KCNIP1: variants seen among roughly 807,000 people sequenced by gnomAD.
KCNIP1 encodes A-type potassium channel modulatory protein KCNIP1.
A neutral mutation model predicts 33.0 loss-of-function variants in KCNIP1; 18 were observed. The ratio of observed to expected loss-of-function variants is 0.55; its 90% CI spans 0.38 to 0.81. The LOEUF (loss-of-function observed/expected upper bound fraction) is 0.81. Among genes scored for constraint, KCNIP1 ranks in the 30% least tolerant of loss-of-function variants. The probability of loss-of-function intolerance (pLI) is 0.00; values close to 1 mark genes in which losing one functional copy is unlikely to be tolerated. For missense variants in KCNIP1, 238 were observed against 271.6 expected (o/e 0.88, Z 0.87); for synonymous variants, 93 against 98.3 (o/e 0.95, Z 0.32).
At chr5:170,363,192 A>G (rs909259860) in intron 1 of KCNIP1, among the ~76,000 whole-genome samples, 7 of 152,360 alleles carry the variant, frequency 4.6e-5, no homozygotes, top group Non-Finnish European at 8.8e-5. Context: ...AACATCACAG[A>G]TACAGCACTG....
rs1463370845 is a variant in KCNIP1, at chr5:170,504,534, G to A, written c.-39G>A. On this transcript the variant is annotated 5_prime_UTR_variant, in exon 1 of 8. Coordinates refer to ENST00000328939, the MANE Select transcript of KCNIP1 (RefSeq NM_014592.4). This position sits in a 1 kb window ranked among gnomAD's most constrained non-coding sequence, Gnocchi z 6.0. ...TTCTTTCCAGGGTAGGGGAGGGGCC[G>A]GGCCCGGGGTCCCAACTCGCACTCA... 2 of 1,611,276 alleles carry A rather than the reference G, an allele frequency of 1.2e-6. No individual in the cohort carries two copies. The highest frequency in any genetic ancestry group is 1.7e-5 in the Admixed American group (1 of 59,980).
intron 1 of KCNIP1, among the ~76,000 whole-genome samples, chr5:170,407,386 G>A (rs915252819): frequency 6.6e-6 from 1 of 152,116 alleles, no homozygotes; most frequent in Non-Finnish European, 1.5e-5. Context: ...GAAAGGTAAG[G>A]GTACTGTCTG....
At chr5:170,590,081 A>G (rs749159666) in intron 1 of KCNIP1, among the ~76,000 whole-genome samples, 2 of 152,180 alleles carry the variant, frequency 1.3e-5, no homozygotes, top group Admixed American at 6.5e-5. Flanking sequence ...GGCCTGGAGC[A>G]TAGCGCATGG....
At chr5:170,553,147 A>C (rs1189288867) in intron 1 of KCNIP1, among the ~76,000 whole-genome samples, 1 of 152,344 alleles carries the variant, frequency 6.6e-6, no homozygotes, top group Non-Finnish European at 1.5e-5. Context: ...GCCAGACACC[A>C]CAGGCATTTT....
intron 1 of KCNIP1, among the ~76,000 whole-genome samples, chr5:170,563,558 T>C (rs1757105636): frequency 6.6e-6 from 1 of 152,224 alleles, no homozygotes; most frequent in South Asian, 2.1e-4. Context: ...CATCTTACCT[T>C]TGTGTAAGAA....
intron 1 of KCNIP1, among the ~76,000 whole-genome samples, chr5:170,430,128 T>C (rs1035295057): frequency 2.0e-5 from 3 of 152,196 alleles, no homozygotes; most frequent in Non-Finnish European, 2.9e-5. Context: ...CCTGCTCACC[T>C]TGGAAAATCA....
intron 1 of KCNIP1, among the ~76,000 whole-genome samples, chr5:170,492,681 C>T (rs902945864): frequency 3.3e-5 from 5 of 152,164 alleles, no homozygotes; most frequent in Non-Finnish European, 7.3e-5. Flanking sequence ...GCTCCTATAC[C>T]CTCATCACTC....
intron 1 of KCNIP1, among the ~76,000 whole-genome samples, chr5:170,455,559 G>C (rs1418154233): frequency 6.6e-6 from 1 of 152,104 alleles, no homozygotes; most frequent in East Asian, 1.9e-4. Context: ...CATATGCTAG[G>C]CCACAAAACA....
intron 1 of KCNIP1, among the ~76,000 whole-genome samples, chr5:170,561,714 A>G (rs370642489): frequency 1.3e-5 from 2 of 152,230 alleles, no homozygotes; most frequent in African/African-American, 4.8e-5. Context: ...CAGTAGGTAC[A>G]CAAGGTAGTC....
intron 1 of KCNIP1, among the ~76,000 whole-genome samples, chr5:170,605,578 C>G (rs908212713): frequency 3.9e-5 from 6 of 152,190 alleles, no homozygotes; most frequent in Non-Finnish European, 8.8e-5. Context: ...TAAGAAGCCA[C>G]TCCCCATTCC....
At chr5:170,717,147 A>G (rs1763668675) in intron 1 of KCNIP1, among the ~76,000 whole-genome samples, 1 of 152,210 alleles carries the variant, frequency 6.6e-6, no homozygotes, top group Non-Finnish European at 1.5e-5. Context: ...ATGCTAGGAG[A>G]TTCAAACCAA....
intron 1 of KCNIP1, among the ~76,000 whole-genome samples, chr5:170,429,290 G>T (rs1281386054): frequency 6.6e-6 from 1 of 152,036 alleles, no homozygotes; most frequent in Non-Finnish European, 1.5e-5. Context: ...TGAGTCCCCA[G>T]TGTCTACAGG....
At chr5:170,547,101 AT>A (rs1013436289) in intron 1 of KCNIP1, among the ~76,000 whole-genome samples, 15 of 152,190 alleles carry the variant, frequency 9.9e-5, no homozygotes, top group African/African-American at 3.1e-4. Flanking sequence ...TTTCATTGTT[AT>A]TGTTGAGAAG....
chr5:170,568,463 T>C (rs949651510), intron 1 of KCNIP1, among the ~76,000 whole-genome samples: 7 of 151,940 alleles, frequency 4.6e-5, no homozygotes, highest in Non-Finnish European at 7.4e-5. Context: ...CTTCTGGTGC[T>C]GATGAGCTCA....
At chr5:170,485,285 G>T (rs928772847) in intron 1 of KCNIP1, among the ~76,000 whole-genome samples, 2 of 152,176 alleles carry the variant, frequency 1.3e-5, no homozygotes, top group African/African-American at 4.8e-5. Flanking sequence ...CCTGGCCTGG[G>T]CCTCTGGTCT....
chr5:170,730,917 A>G (rs1212276799), intron 5 of KCNIP1, among the ~76,000 whole-genome samples: 1 of 152,208 alleles, frequency 6.6e-6, no homozygotes, highest in Non-Finnish European at 1.5e-5. Context: ...AAAATTAAAA[A>G]TTATTAAGTA....
chr5:170,472,579 C>T (rs1282651712), intron 1 of KCNIP1, among the ~76,000 whole-genome samples: 22 of 139,304 alleles, frequency 1.6e-4, no homozygotes, highest in Admixed American at 1.4e-3. Context: ...CCCTCGCCCC[C>T]CTCCCACCCT....
chr5:170,412,878 C>T (rs1436904174), intron 1 of KCNIP1, among the ~76,000 whole-genome samples: 4 of 152,092 alleles, frequency 2.6e-5, no homozygotes, highest in Non-Finnish European at 5.9e-5. Flanking sequence ...TTCTGTAGCC[C>T]CACCCCCTCA....
At position 170,711,661 on chromosome 5, in the gene KCNIP1, T is replaced by C. The variant is rs1014714253; in HGVS notation, c.62-7097T>C. 2.0e-5 allele frequency among the ~76,000 whole-genome samples: 3 copies of C among 152,200 alleles called. No homozygotes were observed. The South Asian group carries it at 6.2e-4, about 32-fold the overall frequency. ...TAGGAGAAACTGTGAGGGCGGAATA[T>C]ACACAAACTCTCTATATTTTCTGTG... is the stretch of plus-strand genomic sequence containing the variant. On this transcript the variant is annotated intron_variant, in intron 1 of 7. Coordinates refer to ENST00000328939, the MANE Select transcript of KCNIP1 (RefSeq NM_014592.4).
Sources: gnomAD v4.1 joint callset for allele counts (sites outside exome capture counted in the v4.1 genomes callset) on GRCh38, gnomAD v4.1.1 for gene constraint, Gnocchi (gnomAD v3.1) non-coding constraint, MANE v1.5 for transcripts, NCBI Gene and HGNC (gene_info 2026-07-23, HGNC 2026-07-21) for gene names.